Variants in RASGEF1A observed in about 807,000 individuals in gnomAD.
RASGEF1A encodes the protein RasGEF domain family member 1A.
Under a neutral mutation model 56.4 loss-of-function variants are expected in RASGEF1A, and 18 were observed. That is an observed-to-expected ratio of 0.32 (90% CI 0.22 to 0.47). The LOEUF (loss-of-function observed/expected upper bound fraction) is 0.47, where lower values mean the gene tolerates loss of function less well. Among genes scored for constraint, RASGEF1A ranks in the 20% least tolerant of loss-of-function variants. The pLI, the probability that RASGEF1A is intolerant of heterozygous loss-of-function variation, is 1.00. For missense variants in RASGEF1A, 422 were observed against 627.1 expected, an observed-to-expected ratio of 0.67 and a Z score of 3.49; for synonymous variants, 245 against 242.6, an observed-to-expected ratio of 1.01 and a Z score of -0.09.
At chr10:43,216,476 T>C (rs753749523) in intron 1 of RASGEF1A, among the ~76,000 whole-genome samples, 11 of 152,200 alleles carry the variant, frequency 7.2e-5, no homozygotes, top group Non-Finnish European at 1.5e-4. Flanking sequence ...AGTGAAGTGC[T>C]TGTTTGAGTG....
chr10:43,225,350 T>C (rs1050914275), intron 1 of RASGEF1A, among the ~76,000 whole-genome samples: 1 of 151,366 alleles, frequency 6.6e-6, no homozygotes, highest in African/African-American at 2.4e-5. Context: ...TCTCTGCATG[T>C]GTCTGTGTGT....
rs146944273 is a variant in RASGEF1A at position 43,237,891 on chromosome 10, G to C, written c.-7+28954C>G. Among the ~76,000 whole-genome samples, 44 of 152,316 alleles carry C rather than the reference G, an allele frequency of 2.9e-4. 1 individual carries two copies. Among genetic ancestry groups the C allele is most frequent in the African/African-American group, 9.9e-4 (41 of 41,586 alleles). ...GATGTCTCCTCTCCCACAGGGAATA[G>C]AGCCCTGTCCTGCAGACACTCAGGC... On this transcript the variant is annotated intron_variant, in intron 1 of 12. Coordinates refer to ENST00000395810, the MANE Select transcript of RASGEF1A (RefSeq NM_145313.4).
chr10:43,201,072 C>T (rs536684504), intron 4 of RASGEF1A, among the ~76,000 whole-genome samples, 184 bp from the exon 5 acceptor site: 1 of 152,338 alleles, frequency 6.6e-6, no homozygotes, highest in Admixed American at 6.5e-5. Context: ...CCTCTGAGGA[C>T]TGCTGAGGAG....
intron 1 of RASGEF1A, among the ~76,000 whole-genome samples, chr10:43,231,439 G>GA (rs1280892120): frequency 2.6e-5 from 4 of 152,242 alleles, no homozygotes; most frequent in Admixed American, 6.5e-5. Context: ...AGTTGGCCCT[G>GA]CTGCCTCCTG....
chr10:43,212,122 G>A lies in RASGEF1A; in HGVS notation c.-6-6000C>T, dbSNP rs942124978. Among the ~76,000 whole-genome samples, 76 of 152,316 alleles carry A rather than the reference G, an allele frequency of 5.0e-4. 1 individual carries two copies. The highest frequency in any genetic ancestry group is 1.0e-3 in the Non-Finnish European group (71 of 68,020). The stretch of plus-strand genomic sequence containing the variant: ...AGCCCTGGGAGAGGTTGGGGCTGGG[G>A]CAGGTTAACACCCTGTAGGAATCCT... On this transcript the variant is annotated intron_variant, in intron 1 of 12. Coordinates refer to ENST00000395810, the MANE Select transcript of RASGEF1A (RefSeq NM_145313.4).
chr10:43,255,520 C>T (rs1374539042), intron 1 of RASGEF1A, among the ~76,000 whole-genome samples: 1 of 152,214 alleles, frequency 6.6e-6, no homozygotes, highest in Non-Finnish European at 1.5e-5. Context: ...TCTCACAGCC[C>T]TGCCCAGAGC....
chr10:43,263,051 C>T (rs527365941), intron 1 of RASGEF1A, among the ~76,000 whole-genome samples: 22 of 152,160 alleles, frequency 1.4e-4, no homozygotes, highest in East Asian at 3.9e-4. Context: ...CATCGTCACC[C>T]GGGAGGCGTC....
At chr10:43,249,045 T>A (rs1840597388) in intron 1 of RASGEF1A, among the ~76,000 whole-genome samples, 1 of 152,118 alleles carries the variant, frequency 6.6e-6, no homozygotes, top group Non-Finnish European at 1.5e-5. Context: ...CTCACCCACA[T>A]GAAGCAATCC....
chr10:43,230,904 T>C (rs1840357802), intron 1 of RASGEF1A, among the ~76,000 whole-genome samples: 1 of 152,210 alleles, frequency 6.6e-6, no homozygotes, highest in South Asian at 2.1e-4. Context: ...GTTCATTCAC[T>C]GGCCTCCCTC....
At chr10:43,203,916 G>T (rs547452107) in intron 2 of RASGEF1A, 105 of 356,896 alleles carry the variant, frequency 2.9e-4, no homozygotes, top group African/African-American at 2.4e-3. Flanking sequence ...AGCAGGGGCG[G>T]GGCCCCATCA....
At position 43,201,828 on chromosome 10, in the gene RASGEF1A, G is replaced by A. The variant is rs374420086; in HGVS notation, c.439C>T (p.Arg147Cys). ...AMAELKAITHRVTQCDEENGT... is the reference protein window; with the variant it reads ...AMAELKAITHCVTQCDEENGT... Reference sequence around the variant, plus strand: ...CTCACCTCATCACACTGGGTGACACGGTGTGTGATGGCTTTCAGCTCGGCC... The same window carrying A: ...CTCACCTCATCACACTGGGTGACACAGTGTGTGATGGCTTTCAGCTCGGCC... Residue 147 changes from arginine (R) to cysteine (C), a missense_variant, in exon 4 of 13, where the codon CGT (arginine) becomes TGT (cysteine). Coordinates refer to ENST00000395810, the MANE Select transcript of RASGEF1A (RefSeq NM_145313.4). The A allele has an allele frequency of 1.2e-5, 19 of 1,607,754 alleles. No individual in the cohort carries two copies. The highest frequency in any genetic ancestry group is 5.5e-5 in the South Asian group (5 of 90,704).
intron 1 of RASGEF1A, among the ~76,000 whole-genome samples, chr10:43,228,961 A>T (rs1840320137): frequency 6.6e-6 from 1 of 152,208 alleles, no homozygotes; most frequent in African/African-American, 2.4e-5. Flanking sequence ...GTGGGCACTC[A>T]GAACCCAGGG....
At chr10:43,220,614 T>C (rs1840194591) in intron 1 of RASGEF1A, among the ~76,000 whole-genome samples, 1 of 151,926 alleles carries the variant, frequency 6.6e-6, no homozygotes, top group African/African-American at 2.4e-5. Flanking sequence ...TGAAACCCCA[T>C]CTCTATTAAA....
chr10:43,232,290 T>C (rs979417495), intron 1 of RASGEF1A, among the ~76,000 whole-genome samples: 5 of 152,138 alleles, frequency 3.3e-5, no homozygotes, highest in African/African-American at 1.2e-4. Flanking sequence ...GATCTGACTG[T>C]TTGAAAGTGT....
intron 1 of RASGEF1A, chr10:43,208,459 A>C: frequency 1.0e-6 from 1 of 985,668 alleles, no homozygotes; most frequent in Non-Finnish European, 1.2e-6. Context: ...ACTGGTCAGC[A>C]GCCAGAGAGG....
At chr10:43,251,567 G>A (rs1488807624) in intron 1 of RASGEF1A, among the ~76,000 whole-genome samples, 1 of 152,184 alleles carries the variant, frequency 6.6e-6, no homozygotes, top group Non-Finnish European at 1.5e-5. Context: ...CAGCCGCTGT[G>A]AAAATTGAGA....
rs76331985 is a variant in RASGEF1A at position 43,204,492 on chromosome 10, C to G, written c.199-1072G>C. ...AGAACCAGCACATCTCTCAGGGTCCCCCTTCTAAGGAGACAACTAAGACGT... is the reference window on the plus strand; with the variant it reads ...AGAACCAGCACATCTCTCAGGGTCCGCCTTCTAAGGAGACAACTAAGACGT... On this transcript the variant is annotated intron_variant, in intron 2 of 12. Coordinates refer to ENST00000395810, the MANE Select transcript of RASGEF1A (RefSeq NM_145313.4). 1.7e-4 allele frequency among the ~76,000 whole-genome samples: 26 copies of G among 152,346 alleles called. 2 individuals carry two copies. In the East Asian group the frequency reaches 5.0e-3, roughly 29 times the overall value.
chr10:43,213,772 G>A (rs1346049664), intron 1 of RASGEF1A, among the ~76,000 whole-genome samples: 1 of 152,038 alleles, frequency 6.6e-6, no homozygotes, highest in African/African-American at 2.4e-5. Flanking sequence ...GATTGCAGGT[G>A]TACACCACCA....
chr10:43,209,297 C>G, intron 1 of RASGEF1A: 1 of 830,612 alleles, frequency 1.2e-6, no homozygotes, highest in Non-Finnish European at 1.5e-6. Context: ...TATTCCCTTA[C>G]GCAGACGAGG....
Sources: allele counts gnomAD v4.1 joint callset (sites outside exome capture counted in the v4.1 genomes callset), GRCh38; gene constraint gnomAD v4.1.1; transcripts MANE v1.5; gene names NCBI Gene and HGNC (gene_info 2026-07-23, HGNC 2026-07-21).